The following PCDHA5 variants were observed in gnomAD, a reference collection of about 807,000 sequenced individuals.
The protein encoded by PCDHA5 is protocadherin alpha 5, also known as protocadherin alpha-5.
A neutral mutation model predicts 61.6 loss-of-function variants in PCDHA5; 43 were observed. The ratio of observed to expected loss-of-function variants is 0.70; its 90% CI spans 0.55 to 0.90. The LOEUF (loss-of-function observed/expected upper bound fraction) is 0.90, where lower values mean the gene tolerates loss of function less well. PCDHA5 is among the 40% of genes least tolerant of loss of function. The probability of loss-of-function intolerance (pLI) is 0.00; values close to 1 mark genes in which losing one functional copy is unlikely to be tolerated. For synonymous variants in PCDHA5, 627 were observed against 543.9 expected, an observed-to-expected ratio of 1.15 and a Z score of -2.13; for missense variants, 1,298 against 1,222.7, an observed-to-expected ratio of 1.06 and a Z score of -0.92.
At chr5:140,849,851 A>C (rs148732691) in intron 1 of PCDHA5, 9 of 1,598,252 alleles carry the variant, frequency 5.6e-6, no homozygotes, top group East Asian at 4.5e-5. Context: ...ACGACAACGC[A>C]CCAGCGTTCG....
chr5:140,989,237 A>C (rs2097333860), intron 3 of PCDHA5, among the ~76,000 whole-genome samples: 1 of 152,172 alleles, frequency 6.6e-6, no homozygotes, highest in African/African-American at 2.4e-5. Flanking sequence ...CTGAAGTTTT[A>C]AGCCCCTTGT....
At chr5:140,925,236 T>C (rs1398147161) in intron 1 of PCDHA5, among the ~76,000 whole-genome samples, 1 of 152,202 alleles carries the variant, frequency 6.6e-6, no homozygotes, top group African/African-American at 2.4e-5. Context: ...TACCAGAAAA[T>C]ATGTCCTGGA....
At chr5:140,876,980 C>T (rs782646541) in intron 1 of PCDHA5, 18 of 1,612,542 alleles carry the variant, frequency 1.1e-5, no homozygotes, top group Admixed American at 1.7e-5. Flanking sequence ...GGCGAGCACG[C>T]ACTGTCGAGC....
At chr5:140,927,716 G>T (rs782756674) in intron 1 of PCDHA5, 1 of 1,614,190 alleles carries the variant, frequency 6.2e-7, no homozygotes, top group South Asian at 1.1e-5. Context: ...CTAAGCAACA[G>T]CACGCAAGCA....
intron 1 of PCDHA5, among the ~76,000 whole-genome samples, chr5:140,920,362 T>C (rs1167382464): frequency 6.6e-6 from 1 of 152,238 alleles, no homozygotes; most frequent in African/African-American, 2.4e-5. Context: ...GTTCTATTCA[T>C]TTATTCTTGT....
At chr5:140,867,227 T>C (rs73793506) in intron 1 of PCDHA5, 1 of 152,106 alleles carries the variant, frequency 6.6e-6, no homozygotes, top group African/African-American at 2.4e-5. Context: ...CCAATTCCCA[T>C]AATAAGGTGA....
At chr5:140,836,761 T>C in intron 1 of PCDHA5, 2 of 1,569,180 alleles carry the variant, frequency 1.3e-6, no homozygotes, top group Non-Finnish European at 1.7e-6. Flanking sequence ...TAATCTTGTT[T>C]CCAACAATTT....
At chr5:140,858,604 A>AT (rs2045515312) in intron 1 of PCDHA5, 6 of 1,276,560 alleles carry the variant, frequency 4.7e-6, no homozygotes, top group Non-Finnish European at 4.3e-6. Context: ...GAGTTTTAAA[A>AT]TTTTTTTATC....
chr5:140,922,275 C>T (rs782815629), intron 1 of PCDHA5, among the ~76,000 whole-genome samples: 1 of 152,052 alleles, frequency 6.6e-6, no homozygotes, highest in Non-Finnish European at 1.5e-5. Context: ...AAGATTGGAC[C>T]AAGATATGAA....
intron 1 of PCDHA5, chr5:140,842,530 T>C: frequency 6.2e-7 from 1 of 1,613,064 alleles, no homozygotes; most frequent in South Asian, 1.1e-5. Flanking sequence ...CCTTCAAGAA[T>C]TACTACTCGT....
intron 1 of PCDHA5, among the ~76,000 whole-genome samples, chr5:140,972,097 T>C (rs1554233843): frequency 1.3e-5 from 2 of 152,196 alleles, no homozygotes; most frequent in South Asian, 2.1e-4. Context: ...ATTTCTGGCA[T>C]AGAAGCAGGT....
chr5:140,923,139 A>G (rs1213586565), intron 1 of PCDHA5, among the ~76,000 whole-genome samples: 3 of 152,188 alleles, frequency 2.0e-5, no homozygotes, highest in Non-Finnish European at 2.9e-5. Context: ...TGAAGGTGGA[A>G]TATAAAAAAA....
At chr5:140,966,892 C>G (rs782364150) in intron 1 of PCDHA5, 4 of 1,595,414 alleles carry the variant, frequency 2.5e-6, no homozygotes, top group South Asian at 1.1e-5. Flanking sequence ...CTGCGGCCTC[C>G]CAGCTGCGAT....
At position 140,982,478 on chromosome 5, in the gene PCDHA5, T is replaced by C; in HGVS notation, c.2415T>C (p.Ser805=). ...CTGGGTCTGTGTGTTTATTCAGCTCTGTGCACCTAGAGGAGGCTGGCATTC... is the reference window on the plus strand; with the variant it reads ...CTGGGTCTGTGTGTTTATTCAGCTCCGTGCACCTAGAGGAGGCTGGCATTC... ...SASLRAGMHS[S]VHLEEAGILR... Residue 805 remains serine (S), a synonymous_variant, in exon 3 of 4, where the codon TCT becomes TCC. Coordinates refer to ENST00000529859, the MANE Select transcript of PCDHA5 (RefSeq NM_018908.3). 1 of 1,614,192 alleles carries C rather than the reference T, an allele frequency of 6.2e-7. No individual in the cohort carries two copies. The highest frequency in any genetic ancestry group is 2.2e-5 in the East Asian group (1 of 44,884).
At chr5:140,835,820 G>A (rs1554135305) in intron 1 of PCDHA5, 5 of 1,612,676 alleles carry the variant, frequency 3.1e-6, no homozygotes, top group Non-Finnish European at 4.2e-6. Flanking sequence ...CTGTGTCGGC[G>A]GGGGACGCGG....
At chr5:140,851,120 T>C (rs1052387301) in intron 1 of PCDHA5, 3 of 1,307,570 alleles carry the variant, frequency 2.3e-6, no homozygotes, top group Non-Finnish European at 2.0e-6. Flanking sequence ...ATCAATTTTA[T>C]TTAAATTTGT....
intron 1 of PCDHA5, among the ~76,000 whole-genome samples, chr5:140,872,046 C>T (rs1554166008): frequency 6.6e-6 from 1 of 152,230 alleles, no homozygotes; most frequent in Non-Finnish European, 1.5e-5. Context: ...AGAATTCTCC[C>T]ACTTCAGCCT....
At chr5:140,857,037 T>C in intron 1 of PCDHA5, 1 of 1,596,258 alleles carries the variant, frequency 6.3e-7, no homozygotes, top group Non-Finnish European at 8.6e-7. Context: ...CCACCTATGG[T>C]TGGTCACTGC....
intron 1 of PCDHA5, among the ~76,000 whole-genome samples, chr5:140,886,605 A>C (rs998772471): frequency 2.6e-5 from 4 of 152,108 alleles, no homozygotes; most frequent in Admixed American, 6.5e-5. Flanking sequence ...AGGTGGGCGG[A>C]TCAGGAGATC....
Sources: gnomAD v4.1 joint callset for allele counts (sites outside exome capture counted in the v4.1 genomes callset) on GRCh38, gnomAD v4.1.1 for gene constraint, MANE v1.5 for transcripts, NCBI Gene and HGNC (gene_info 2026-07-23, HGNC 2026-07-21) for gene names.